VGLL4: variants seen among roughly 807,000 people sequenced by gnomAD.
The protein encoded by VGLL4 is vestigial like family member 4, also known as transcription cofactor vestigial-like protein 4.
Under a neutral mutation model 21.0 loss-of-function variants are expected in VGLL4, and 7 were observed. The ratio of observed to expected loss-of-function variants is 0.33; its 90% CI spans 0.19 to 0.63. VGLL4 has a LOEUF of 0.63. VGLL4 is among the 20% of genes least tolerant of loss of function. The probability of loss-of-function intolerance (pLI) is 0.78; values close to 1 mark genes in which losing one functional copy is unlikely to be tolerated. For synonymous variants in VGLL4, 222 were observed against 173.2 expected (o/e 1.28, Z -2.21); for missense variants, 394 against 425.7 (o/e 0.93, Z 0.66).
chr3:11,619,684 C>G lies in VGLL4; in HGVS notation c.83-17662G>C, dbSNP rs544112354. ...GGGAAGGAAGGTTGGAAAAATCAGG[C>G]CGATTGATGATTACACAATATTCCC... On this transcript the variant is annotated intron_variant, in intron 1 of 4. Coordinates refer to ENST00000430365, the MANE Select transcript of VGLL4 (RefSeq NM_001128219.3). Among the ~76,000 whole-genome samples the G allele has an allele frequency of 2.0e-5, 3 of 152,236 alleles. No homozygotes were observed. The East Asian group carries it at 5.8e-4, about 29-fold the overall frequency.
chr3:11,623,222 A>T (rs1019451488), intron 1 of VGLL4, among the ~76,000 whole-genome samples: 1 of 152,212 alleles, frequency 6.6e-6, no homozygotes, highest in Non-Finnish European at 1.5e-5. Context: ...TGGAAGGAAC[A>T]GAAGGAAGAG....
rs1159756766 is a variant in VGLL4, at chr3:11,558,877, G to A, written c.620-50C>T. On this transcript the variant is annotated intron_variant, in intron 4 of 4. Coordinates refer to ENST00000430365, the MANE Select transcript of VGLL4 (RefSeq NM_001128219.3). ...AGTCAGACACAGGTGGCTGCAGACA[G>A]ACAGGCACGGTTGCAGCACCCTCCC... The A allele has an allele frequency of 3.1e-6, 5 of 1,590,862 alleles. No homozygotes were observed. In the African/African-American group the frequency reaches 4.0e-5, roughly 13 times the overall value.
Position 11,638,415 on chromosome 3 carries a change from C to T in VGLL4, c.82+5022G>A, listed in dbSNP as rs375339326. The stretch of plus-strand genomic sequence containing the variant: ...GAAGGAAGGGTATAATCACACCTTC[C>T]TTCACAAACTGTAATTAGGAGAAAG... On this transcript the variant is annotated intron_variant, in intron 1 of 4. Coordinates refer to ENST00000430365, the MANE Select transcript of VGLL4 (RefSeq NM_001128219.3). Among the ~76,000 whole-genome samples the T allele has an allele frequency of 1.6e-4, 24 of 152,140 alleles. No homozygotes were observed. The East Asian group carries it at 4.2e-3, about 27-fold the overall frequency.
Position 11,653,699 on chromosome 3 carries a change from T to C in VGLL4, c.64+49272A>G, listed in dbSNP as rs1004779927. Among the ~76,000 whole-genome samples the C allele has an allele frequency of 1.4e-4, 21 of 152,194 alleles. No homozygotes were observed. The highest frequency in any genetic ancestry group is 4.8e-4 in the African/African-American group (20 of 41,432). ...TTCAGCTTAAGTAAATATTGCCAAA[T>C]AGTTTTCCACAGCAGTTGTACCCGT... On this transcript the variant is annotated intron_variant, in intron 2 of 5. Coordinates refer to the VGLL4 transcript ENST00000273038. The surrounding 1 kb of genome is among the most constrained non-coding windows in gnomAD (Gnocchi z 4.2).
chr3:11,602,046 T>A, intron 1 of VGLL4, 24 bp from the exon 2 acceptor site: 1 of 1,504,824 alleles, frequency 6.6e-7, no homozygotes, highest in African/African-American at 1.4e-5. Context: ...GATGATGTAG[T>A]CACTAAGCAG....
chr3:11,697,154 G>T (rs1313193382), intron 2 of VGLL4, among the ~76,000 whole-genome samples: 2 of 152,172 alleles, frequency 1.3e-5, no homozygotes, highest in Non-Finnish European at 2.9e-5. Flanking sequence ...AGGCCTGAGG[G>T]CAGTGGCGCA....
Position 11,557,436 on chromosome 3 carries a change from G to T in VGLL4, c.*1120C>A, listed in dbSNP as rs546249318. ...CAAACCCCACCTCCCCTGGGAGCTTGTAACAAAGCAGACAGGGATGCAAAA... is the reference window on the plus strand; with the variant it reads ...CAAACCCCACCTCCCCTGGGAGCTTTTAACAAAGCAGACAGGGATGCAAAA... On this transcript the variant is annotated 3_prime_UTR_variant, in exon 5 of 5. Coordinates refer to ENST00000430365, the MANE Select transcript of VGLL4 (RefSeq NM_001128219.3). The T allele has an allele frequency of 3.3e-5, 5 of 152,820 alleles. No homozygotes were observed. The highest frequency in any genetic ancestry group is 3.3e-4 in the Admixed American group (5 of 15,302). The allele number at this position is 152,820 out of a possible 1,614,324, so 9.5% of individuals were successfully genotyped here. A position where few individuals can be genotyped will look rare whatever the true frequency, so the allele number is the denominator to read the frequency against.
intron 1 of VGLL4, chr3:11,626,591 C>A (rs2075356283): frequency 3.2e-6 from 1 of 312,940 alleles, no homozygotes; most frequent in Admixed American, 4.0e-5. Flanking sequence ...TGGCTAAGAG[C>A]TATGGTTATC....
intron 2 of VGLL4, among the ~76,000 whole-genome samples, chr3:11,659,687 A>G (rs1055505780): frequency 1.3e-5 from 2 of 151,572 alleles, no homozygotes; most frequent in African/African-American, 4.8e-5. Context: ...TGGCATTGGC[A>G]TGGGCCCTTA....
intron 1 of VGLL4, among the ~76,000 whole-genome samples, chr3:11,714,653 G>A (rs1177249301): frequency 3.3e-5 from 5 of 151,098 alleles, no homozygotes; most frequent in East Asian, 1.9e-4. Flanking sequence ...TTTCAAGACC[G>A]CAGCCTTATA....
chr3:11,614,061 C>G (rs1195716115), intron 1 of VGLL4, among the ~76,000 whole-genome samples: 1 of 152,208 alleles, frequency 6.6e-6, no homozygotes, highest in Non-Finnish European at 1.5e-5. Flanking sequence ...AGTGTGAACC[C>G]ACACACAGGC....
chr3:11,677,455 G>A (rs760587302), intron 2 of VGLL4, among the ~76,000 whole-genome samples: 10 of 151,712 alleles, frequency 6.6e-5, no homozygotes, highest in Admixed American at 1.3e-4. Flanking sequence ...GTATTTTTTG[G>A]GAAAACATGA....
intron 1 of VGLL4, among the ~76,000 whole-genome samples, chr3:11,715,740 C>T (rs11923517): frequency 0.46 from 69,622 of 151,976 alleles, 16,429 homozygotes; most frequent in Non-Finnish European, 0.52. Flanking sequence ...AGATTCCTTC[C>T]GGCTTCTGGT....
chr3:11,625,662 G>C (rs932296838), intron 1 of VGLL4, among the ~76,000 whole-genome samples: 3 of 152,098 alleles, frequency 2.0e-5, no homozygotes, highest in African/African-American at 4.8e-5. Context: ...ATTGTAGTCT[G>C]TGTAACTGCT....
At chr3:11,717,548 C>A (rs1051161764) in intron 1 of VGLL4, among the ~76,000 whole-genome samples, 3 of 120,680 alleles carry the variant, frequency 2.5e-5, no homozygotes, top group African/African-American at 6.4e-5. Context: ...TCTCTGTTGT[C>A]CAGGCTGGTC....
upstream of VGLL4, among the ~76,000 whole-genome samples, chr3:11,646,132 A>G (rs900509585): frequency 6.6e-5 from 10 of 152,236 alleles, no homozygotes; most frequent in Non-Finnish European, 1.3e-4. Context: ...TATTGACACT[A>G]TATTACATGT....
intron 1 of VGLL4, among the ~76,000 whole-genome samples, chr3:11,619,966 G>C (rs1199106883): frequency 6.6e-6 from 1 of 152,132 alleles, no homozygotes; most frequent in Non-Finnish European, 1.5e-5. Flanking sequence ...TCAGGGAATT[G>C]ACTGGGTTTC....
At chr3:11,645,828 C>T (rs1359312225), upstream of VGLL4, among the ~76,000 whole-genome samples, 11 of 151,738 alleles carry the variant, frequency 7.2e-5, no homozygotes, top group Admixed American at 4.6e-4. Context: ...AAAAATTAGC[C>T]GGGCATAGTG....
rs561889315 is a variant in VGLL4 at position 11,713,517 on chromosome 3, T to G, written c.-14+6877A>C. Among the ~76,000 whole-genome samples, 214 of 150,608 alleles carry G rather than the reference T, an allele frequency of 1.4e-3. 2 individuals carry two copies. Among genetic ancestry groups the G allele is most frequent in the African/African-American group, 5.0e-3 (205 of 40,988 alleles). On this transcript the variant is annotated intron_variant, in intron 1 of 5. Transcript: ENST00000273038. ...CAAACGTTCTAATATTTGAACAATA[T>G]ATCTTCATGTTCTATATCTACCTCC...
Sources: gnomAD v4.1 joint callset for allele counts (sites outside exome capture counted in the v4.1 genomes callset) on GRCh38, gnomAD v4.1.1 for gene constraint, Gnocchi (gnomAD v3.1) non-coding constraint, MANE v1.5 for transcripts, NCBI Gene and HGNC (gene_info 2026-07-23, HGNC 2026-07-21) for gene names.